The following ANXA4 variants were observed in gnomAD, a reference collection of about 807,000 sequenced individuals.
The protein encoded by ANXA4 is 35-beta calcimedin.
In ANXA4, 39 loss-of-function variants were observed where a neutral mutation model predicts 49.8. That is an observed-to-expected ratio of 0.78 (90% confidence interval 0.61 to 1.02). ANXA4 has a LOEUF of 1.02. ANXA4 is among the 50% of genes least tolerant of loss of function. The pLI is 0.00. For synonymous variants in ANXA4, 134 were observed against 152.5 expected, an observed-to-expected ratio of 0.88 and a Z score of 0.89; for missense variants, 360 against 410.1, an observed-to-expected ratio of 0.88 and a Z score of 1.05.
intron 2 of ANXA4, among the ~76,000 whole-genome samples, chr2:69,669,566 G>A (rs1025745763): frequency 2.0e-5 from 3 of 151,470 alleles, no homozygotes; most frequent in Non-Finnish European, 4.4e-5. Context: ...AGCCGAGATC[G>A]CGCCACTGCA....
intron 2 of ANXA4, among the ~76,000 whole-genome samples, chr2:69,682,728 A>G (rs1689230049): frequency 1.3e-5 from 2 of 152,222 alleles, no homozygotes; most frequent in Admixed American, 1.3e-4. Context: ...ATTTGGTGAC[A>G]TTTAAAGAGA....
At chr2:69,712,376 C>T (rs888622225) in intron 2 of ANXA4, among the ~76,000 whole-genome samples, 49 of 152,262 alleles carry the variant, frequency 3.2e-4, no homozygotes, top group African/African-American at 1.2e-3. Flanking sequence ...AGAAAATTAC[C>T]GGGTTATTCA....
chr2:69,756,709 C>G (rs7575366), intron 1 of ANXA4, among the ~76,000 whole-genome samples: 1,817 of 151,798 alleles, frequency 0.012, 37 homozygotes, highest in African/African-American at 0.042. Flanking sequence ...CAAATTTTGA[C>G]TATACAAAAC....
At chr2:69,765,931 C>T (rs915175592) in intron 1 of ANXA4, among the ~76,000 whole-genome samples, 2 of 152,174 alleles carry the variant, frequency 1.3e-5, no homozygotes, top group African/African-American at 4.8e-5. Flanking sequence ...CGGGGGCAGC[C>T]AGTTCAATTA....
At chr2:69,726,250 C>T (rs775163658) in intron 3 of ANXA4, among the ~76,000 whole-genome samples, 25 of 152,162 alleles carry the variant, frequency 1.6e-4, no homozygotes, top group African/African-American at 5.8e-4. Flanking sequence ...ACACGTAAGA[C>T]GCCTTGCTTC....
At chr2:69,752,423 G>A (rs996474477) in intron 1 of ANXA4, among the ~76,000 whole-genome samples, 2 of 152,216 alleles carry the variant, frequency 1.3e-5, no homozygotes, top group Non-Finnish European at 2.9e-5. Context: ...GTACCAGGAA[G>A]GAAATCAAGG....
intron 11 of ANXA4, 108 bp downstream of exon 11, chr2:69,819,446 CA>C: frequency 1.3e-6 from 1 of 745,212 alleles, no homozygotes; most frequent in East Asian, 2.7e-5. Flanking sequence ...AGATCCAATT[CA>C]ATTCATCAAA....
intron 1 of ANXA4, among the ~76,000 whole-genome samples, chr2:69,648,371 C>G (rs1201347589): frequency 6.6e-6 from 1 of 152,144 alleles, no homozygotes; most frequent in Non-Finnish European, 1.5e-5. Flanking sequence ...GTTAGAAATG[C>G]AAATTTTGGG....
intron 1 of ANXA4, among the ~76,000 whole-genome samples, chr2:69,780,661 G>A (rs539326058): frequency 6.6e-6 from 1 of 152,154 alleles, no homozygotes; most frequent in Non-Finnish European, 1.5e-5. Context: ...AGGATCGCTT[G>A]AGTCCAGGAG....
intron 1 of ANXA4, among the ~76,000 whole-genome samples, chr2:69,647,457 G>A (rs1242063807): frequency 6.6e-6 from 1 of 151,170 alleles, no homozygotes; most frequent in African/African-American, 2.4e-5. Context: ...AGCTCAAGTT[G>A]TAGTGCAGTG....
chr2:69,815,618 G>A (rs1351989111), intron 8 of ANXA4: 1 of 153,280 alleles, frequency 6.5e-6, no homozygotes, highest in African/African-American at 2.4e-5. Context: ...TCTAGAGCAG[G>A]GCTATCCAAT....
chr2:69,809,160 T>G (rs1404900192), intron 6 of ANXA4: 1 of 152,238 alleles, frequency 6.6e-6, no homozygotes, highest in Non-Finnish European at 1.5e-5. Flanking sequence ...CAATGATTCT[T>G]ATTTCTGGGT....
chr2:69,717,449 C>A (rs1573139531), intron 2 of ANXA4, among the ~76,000 whole-genome samples: 1 of 152,102 alleles, frequency 6.6e-6, no homozygotes, highest in East Asian at 1.9e-4. Context: ...GGCATTTGAT[C>A]ATTATTCCTG....
At chr2:69,659,426 C>A (rs957833819) in intron 2 of ANXA4, among the ~76,000 whole-genome samples, 2 of 152,092 alleles carry the variant, frequency 1.3e-5, no homozygotes, top group Non-Finnish European at 2.9e-5. Flanking sequence ...TTGTATGCTT[C>A]TCTTATTTAT....
intron 1 of ANXA4, among the ~76,000 whole-genome samples, chr2:69,742,534 A>G (rs978935026): frequency 6.6e-6 from 1 of 152,162 alleles, no homozygotes; most frequent in South Asian, 2.1e-4. Context: ...GCCTGTAGCT[A>G]ACTCCTCCTA....
At chr2:69,757,306 T>C (rs1671099232) in intron 1 of ANXA4, among the ~76,000 whole-genome samples, 1 of 134,282 alleles carries the variant, frequency 7.4e-6, no homozygotes, top group East Asian at 2.1e-4. Context: ...AGTCTCGCTG[T>C]GTTGCCCAGG....
At chr2:69,661,672 G>A (rs542285924) in intron 2 of ANXA4, among the ~76,000 whole-genome samples, 28 of 152,276 alleles carry the variant, frequency 1.8e-4, no homozygotes, top group Non-Finnish European at 3.4e-4. Flanking sequence ...TGACTTAGCA[G>A]ACCTGAGAAA....
chr2:69,783,559 T>A (rs1326606107), intron 2 of ANXA4, among the ~76,000 whole-genome samples: 1 of 152,254 alleles, frequency 6.6e-6, no homozygotes, highest in African/African-American at 2.4e-5. Context: ...CTATAATATT[T>A]TTTAAATCAT....
chr2:69,719,045 C>T (rs372426865), intron 2 of ANXA4, among the ~76,000 whole-genome samples: 161 of 149,514 alleles, frequency 1.1e-3, no homozygotes, highest in African/African-American at 3.9e-3. Flanking sequence ...GGCACAATCT[C>T]GGCTCACTGC....
Sources: allele counts gnomAD v4.1 joint callset (sites outside exome capture counted in the v4.1 genomes callset), GRCh38; gene constraint gnomAD v4.1.1; transcripts MANE v1.5; gene names NCBI Gene and HGNC (gene_info 2026-07-23, HGNC 2026-07-21).